SLC23A2: variants seen among roughly 807,000 people sequenced by gnomAD.
The protein encoded by SLC23A2 is Na(+)/L-ascorbic acid transporter 2.
In SLC23A2, 36 loss-of-function variants were observed where a neutral mutation model predicts 73.3. The ratio of observed to expected loss-of-function variants is 0.49; its 90% confidence interval spans 0.38 to 0.65. SLC23A2 has a LOEUF of 0.65. Among genes scored for constraint, SLC23A2 ranks in the 30% least tolerant of loss-of-function variants. The pLI is 0.00. For missense variants in SLC23A2, 507 were observed against 841.6 expected, an observed-to-expected ratio of 0.60 and a Z score of 4.92; for synonymous variants, 343 against 327.3, an observed-to-expected ratio of 1.05 and a Z score of -0.52.
At chr20:4,964,960 TG>T (rs1407302992) in intron 2 of SLC23A2, among the ~76,000 whole-genome samples, 2 of 151,782 alleles carry the variant, frequency 1.3e-5, no homozygotes, top group Admixed American at 1.3e-4. Flanking sequence ...TATCTCCAGA[TG>T]ATGGGATTAT....
In SLC23A2 at chr20:4,882,306, T is replaced by A. The variant is rs140521592; in HGVS notation, c.824+1336A>T. Among the ~76,000 whole-genome samples, 1,505 of 151,804 alleles carry A rather than the reference T, an allele frequency of 9.9e-3. 23 individuals are homozygous for A. The highest frequency in any genetic ancestry group is 0.034 in the African/African-American group (1,404 of 41,396). On this transcript the variant is annotated intron_variant, in intron 9 of 16. Coordinates refer to ENST00000338244, the MANE Select transcript of SLC23A2 (RefSeq NM_005116.6). Reference sequence around the variant, plus strand: ...AGGAGAATTGCTTAAACTCGGGAGGTGGAGGTTGCAGTGAGCCAAGATCGC... The same window carrying A: ...AGGAGAATTGCTTAAACTCGGGAGGAGGAGGTTGCAGTGAGCCAAGATCGC...
At chr20:4,928,883 T>TA (rs1568628619) in intron 3 of SLC23A2, among the ~76,000 whole-genome samples, 1 of 152,092 alleles carries the variant, frequency 6.6e-6, no homozygotes, top group Non-Finnish European at 1.5e-5. Context: ...AACCCTGCCC[T>TA]AAAAAATGTA....
rs1929736008 is a variant in SLC23A2, at chr20:4,856,962, A to C, written c.*10T>G. 6.3e-7 allele frequency: 1 copy of C among 1,596,004 alleles called. No individual in the cohort carries two copies. The highest frequency in any genetic ancestry group is 8.6e-7 in the Non-Finnish European group (1 of 1,164,492). ...CCTCACTGCGGCCAGGCCACAGGGC[A>C]CAGCAAAGGCTATCCCGTGGCCTGG... On this transcript the variant is annotated 3_prime_UTR_variant, in exon 17 of 17. Coordinates refer to ENST00000338244, the MANE Select transcript of SLC23A2 (RefSeq NM_005116.6). This position sits in a 1 kb window ranked among gnomAD's most constrained non-coding sequence, Gnocchi z 4.6.
chr20:4,913,104 T>C (rs760518847), intron 3 of SLC23A2, 126 bp from the exon 4 acceptor site: 2 of 682,702 alleles, frequency 2.9e-6, no homozygotes, highest in East Asian at 2.6e-5. Context: ...ACATACTCCA[T>C]GTACCGTATG....
chr20:4,987,146 A>G (rs2087843836), intron 1 of SLC23A2, among the ~76,000 whole-genome samples: 1 of 152,178 alleles, frequency 6.6e-6, no homozygotes, highest in African/African-American at 2.4e-5. Context: ...AAAAGAACTC[A>G]AACAGAAGCC....
At chr20:4,933,132 G>A (rs1202122464) in intron 2 of SLC23A2, among the ~76,000 whole-genome samples, 2 of 152,186 alleles carry the variant, frequency 1.3e-5, no homozygotes, top group African/African-American at 4.8e-5. Flanking sequence ...GTGCAAATGA[G>A]TAACTGAATT....
In SLC23A2 at chr20:4,910,065, C is replaced by T. The variant is rs117145539; in HGVS notation, c.207+2815G>A. Among the ~76,000 whole-genome samples the T allele has an allele frequency of 1.5e-4, 23 of 152,240 alleles. No individual in the cohort carries two copies. The East Asian group carries it at 4.3e-3, about 28-fold the overall frequency. ...CTCTGCTCACACTGGGGCAATCCGG[C>T]TTCCTGAGAGCCTTCCACTACTTTT... On this transcript the variant is annotated intron_variant, in intron 4 of 16. Coordinates refer to ENST00000338244, the MANE Select transcript of SLC23A2 (RefSeq NM_005116.6).
intron 3 of SLC23A2, among the ~76,000 whole-genome samples, chr20:4,929,096 A>AT (rs1315621866): frequency 6.6e-6 from 1 of 151,864 alleles, no homozygotes; most frequent in African/African-American, 2.4e-5. Flanking sequence ...AAATTTAAAA[A>AT]ATATATATAT....
rs1048519660 is a variant in SLC23A2 at position 4,947,050 on chromosome 20, A to T, written c.-154-14334T>A. Among the ~76,000 whole-genome samples the T allele has an allele frequency of 2.6e-5, 4 of 152,114 alleles. No homozygotes were observed. The highest frequency in any genetic ancestry group is 4.4e-5 in the Non-Finnish European group (3 of 68,026). On this transcript the variant is annotated intron_variant, in intron 2 of 16. Transcript: ENST00000338244. The surrounding 1 kb of genome is among the most constrained non-coding windows in gnomAD (Gnocchi z 4.4). ...CTCCTCAGTGCCAGGTGCTGCCCAC[A>T]CTGCCCACGCTGACCTCCAGAGTTC...
At chr20:4,937,722 A>T (rs1308626703) in intron 2 of SLC23A2, among the ~76,000 whole-genome samples, 1 of 152,186 alleles carries the variant, frequency 6.6e-6, no homozygotes, top group African/African-American at 2.4e-5. Context: ...ACAAGACATA[A>T]AACTGCCCTT....
chr20:4,856,915 A>G lies in SLC23A2; in HGVS notation c.*57T>C. ...ACATGTATTTTACTTCTTGTTACTC[A>G]GCAAGGAACTACAGATACATGCCTC... On this transcript the variant is annotated 3_prime_UTR_variant, in exon 17 of 17. Coordinates refer to ENST00000338244, the MANE Select transcript of SLC23A2 (RefSeq NM_005116.6). This position sits in a 1 kb window ranked among gnomAD's most constrained non-coding sequence, Gnocchi z 4.6. 1 of 1,087,810 alleles carries G rather than the reference A, an allele frequency of 9.2e-7. No homozygotes were observed. The highest frequency in any genetic ancestry group is 1.4e-6 in the Non-Finnish European group (1 of 720,360). The allele number at this position is 1,087,810 out of a possible 1,614,324, so 67.4% of individuals were successfully genotyped here. A position where few individuals can be genotyped will look rare whatever the true frequency, so the allele number is the denominator to read the frequency against.
intron 2 of SLC23A2, among the ~76,000 whole-genome samples, chr20:4,934,091 G>A (rs2086920535): frequency 6.6e-6 from 1 of 152,228 alleles, no homozygotes; most frequent in African/African-American, 2.4e-5. Flanking sequence ...TCCATGAGTG[G>A]AATACGGAGA....
chr20:5,005,486 C>T (rs979991063), upstream of SLC23A2, among the ~76,000 whole-genome samples: 43 of 152,046 alleles, frequency 2.8e-4, no homozygotes, highest in African/African-American at 9.9e-4. Flanking sequence ...ATTGAAATTT[C>T]AGTCATTTCC....
intron 2 of SLC23A2, among the ~76,000 whole-genome samples, chr20:4,933,051 A>G (rs1407689009): frequency 6.6e-6 from 1 of 152,230 alleles, no homozygotes; most frequent in Non-Finnish European, 1.5e-5. Context: ...ACTTTCTGCA[A>G]TGAGGGAGAT....
chr20:4,884,477 C>T (rs145135203), intron 8 of SLC23A2, among the ~76,000 whole-genome samples: 186 of 152,336 alleles, frequency 1.2e-3, no homozygotes, highest in African/African-American at 4.2e-3. Flanking sequence ...CAGTGAGCCA[C>T]GAACCTCAGC....
intron 12 of SLC23A2, 63 bp from the exon 13 acceptor site, chr20:4,867,938 T>C: frequency 2.1e-6 from 2 of 956,664 alleles, no homozygotes; most frequent in Non-Finnish European, 3.4e-6. Context: ...CACTCTGAAA[T>C]AGCCTCTACA....
intron 2 of SLC23A2, among the ~76,000 whole-genome samples, chr20:4,937,132 C>T (rs1045655512): frequency 1.3e-5 from 2 of 151,984 alleles, no homozygotes; most frequent in African/African-American, 4.8e-5. Flanking sequence ...AGAAAGTATG[C>T]GACAACCCGA....
intron 1 of SLC23A2, among the ~76,000 whole-genome samples, chr20:4,992,927 T>C (rs1044177823): frequency 1.3e-5 from 2 of 151,894 alleles, no homozygotes; most frequent in Admixed American, 6.6e-5. Context: ...TTTGAAAGGA[T>C]CCAAAATTTG....
chr20:4,865,996 C>T (rs1003389896), intron 13 of SLC23A2, among the ~76,000 whole-genome samples: 2 of 151,956 alleles, frequency 1.3e-5, no homozygotes, highest in Non-Finnish European at 2.9e-5. Context: ...CCAAGCCTGG[C>T]TAATTTTTGT....
Sources: allele counts gnomAD v4.1 joint callset (sites outside exome capture counted in the v4.1 genomes callset), GRCh38; gene constraint gnomAD v4.1.1; non-coding constraint Gnocchi (gnomAD v3.1); transcripts MANE v1.5; gene names NCBI Gene and HGNC (gene_info 2026-07-23, HGNC 2026-07-21).